The following SNX29 variants were observed in gnomAD, a reference collection of about 807,000 sequenced individuals.
The protein encoded by SNX29 is sorting nexin-29.
Under a neutral mutation model 102.1 loss-of-function variants are expected in SNX29, and 78 were observed. That is an observed-to-expected ratio of 0.76 (90% CI 0.64 to 0.92). The LOEUF (loss-of-function observed/expected upper bound fraction) is 0.92, where lower values mean the gene tolerates loss of function less well. SNX29 is among the 40% of genes least tolerant of loss of function. The pLI, the probability that SNX29 is intolerant of heterozygous loss-of-function variation, is 0.00. For synonymous variants in SNX29, 580 were observed against 414.5 expected, an observed-to-expected ratio of 1.40 and a Z score of -4.85; for missense variants, 1,280 against 1,061.7, an observed-to-expected ratio of 1.21 and a Z score of -2.86.
chr16:12,465,346 A>C (rs144390172), intron 18 of SNX29, among the ~76,000 whole-genome samples: 3 of 152,224 alleles, frequency 2.0e-5, no homozygotes, highest in East Asian at 1.9e-4. Flanking sequence ...AGTTTTACAG[A>C]TCTTACACTT....
At chr16:12,309,727 A>G (rs921595351) in intron 15 of SNX29, among the ~76,000 whole-genome samples, 1 of 152,054 alleles carries the variant, frequency 6.6e-6, no homozygotes, top group Non-Finnish European at 1.5e-5. Flanking sequence ...ACACTCTTAA[A>G]TCGCTCCCGC....
intron 15 of SNX29, among the ~76,000 whole-genome samples, chr16:12,279,484 C>T (rs763169450): frequency 1.3e-5 from 2 of 152,218 alleles, no homozygotes; most frequent in African/African-American, 4.8e-5. Flanking sequence ...GGACAGGGCA[C>T]TCCTGTGTGC....
chr16:12,052,137 G>T lies in SNX29; in HGVS notation c.1039G>T (p.Asp347Tyr). ...YQKLDVKSIDDEDVDENEDDV... is the reference protein window; with the variant it reads ...YQKLDVKSIDYEDVDENEDDV... ...GAAGCTTGATGTGAAAAGCATCGATGATGAAGATGTGGATGAAAACGAAGA... is the reference window on the plus strand; with the variant it reads ...GAAGCTTGATGTGAAAAGCATCGATTATGAAGATGTGGATGAAAACGAAGA... The change falls in exon 8 of 21, where the codon GAT (aspartate) becomes TAT (tyrosine). Residue 347 changes from aspartate (D) to tyrosine (Y), a missense_variant. Coordinates refer to ENST00000566228, the MANE Select transcript of SNX29 (RefSeq NM_032167.5). 1 of 1,613,970 alleles carries T rather than the reference G, an allele frequency of 6.2e-7. No homozygotes were observed. Among genetic ancestry groups the T allele is most frequent in the Non-Finnish European group, 8.5e-7 (1 of 1,179,870 alleles).
At chr16:12,432,788 C>A (rs1390708580) in intron 18 of SNX29, among the ~76,000 whole-genome samples, 2 of 152,240 alleles carry the variant, frequency 1.3e-5, no homozygotes, top group African/African-American at 4.8e-5. Context: ...AATTCAATGG[C>A]AGCTCACAGA....
intron 15 of SNX29, among the ~76,000 whole-genome samples, chr16:12,304,648 C>T (rs1305538189): frequency 1.3e-5 from 2 of 152,194 alleles, no homozygotes; most frequent in Non-Finnish European, 2.9e-5. Context: ...CTGCCTTGGC[C>T]TCCCAAAGTG....
intron 18 of SNX29, among the ~76,000 whole-genome samples, chr16:12,416,705 G>A (rs1176033434): frequency 6.6e-6 from 1 of 152,166 alleles, no homozygotes; most frequent in Non-Finnish European, 1.5e-5. Flanking sequence ...GGTGCAGGGG[G>A]AGCAGGCATG....
At chr16:12,245,513 ACTT>A (rs1038129233) in intron 14 of SNX29, among the ~76,000 whole-genome samples, 5 of 151,652 alleles carry the variant, frequency 3.3e-5, no homozygotes, top group African/African-American at 1.2e-4. Flanking sequence ...GGAGATGCTG[ACTT>A]CTTCTAGTTA....
intron 16 of SNX29, among the ~76,000 whole-genome samples, chr16:12,390,591 G>T (rs375077481): frequency 3.0e-4 from 46 of 152,330 alleles, no homozygotes; most frequent in African/African-American, 1.1e-3. Flanking sequence ...GTGTGCATTT[G>T]TGGAATGGAG....
Position 12,069,042 on chromosome 16 carries a change from G to A in SNX29, c.1244-15G>A. 6.2e-7 allele frequency: 1 copy of A among 1,612,038 alleles called. No individual in the cohort carries two copies. The highest frequency in any genetic ancestry group is 8.5e-7 in the Non-Finnish European group (1 of 1,178,674). ...AGAAAAGTGACCTCTTTCTGTGATT[G>A]CTCTCTCTGCACAGATGCCCCCCTC... On this transcript the variant is annotated splice_polypyrimidine_tract_variant and intron_variant, in intron 9 of 20. Transcript: ENST00000566228.
At position 12,570,454 on chromosome 16, in the gene SNX29, C is replaced by G. The variant is rs1006900054; in HGVS notation, c.*1825C>G. On this transcript the variant is annotated 3_prime_UTR_variant, in exon 21 of 21. Transcript: ENST00000566228. Reference sequence around the variant, plus strand: ...AATAGAGAGCCCTAATGGACTGAGGCAGGAAACGTCTAAAAGCTCAATCTG... The same window carrying G: ...AATAGAGAGCCCTAATGGACTGAGGGAGGAAACGTCTAAAAGCTCAATCTG... 1 of 237,658 alleles carries G rather than the reference C, an allele frequency of 4.2e-6. No individual in the cohort carries two copies. The highest frequency in any genetic ancestry group is 6.0e-5 in the East Asian group (1 of 16,542). 14.7% of individuals were successfully genotyped at this position (237,658 alleles called of 1,614,324 possible). A position where few individuals can be genotyped will look rare whatever the true frequency, so the allele number is the denominator to read the frequency against.
At chr16:12,126,967 T>G (rs2054238411) in intron 12 of SNX29, among the ~76,000 whole-genome samples, 1 of 152,214 alleles carries the variant, frequency 6.6e-6, no homozygotes, top group Non-Finnish European at 1.5e-5. Flanking sequence ...TAATTCTTTT[T>G]TAAAAAACAG....
intron 20 of SNX29, among the ~76,000 whole-genome samples, chr16:12,542,544 C>T (rs914475261): frequency 6.6e-6 from 1 of 152,186 alleles, no homozygotes; most frequent in Admixed American, 6.5e-5. Context: ...GTTGGCCAGG[C>T]TGATCTTGAA....
intron 18 of SNX29, among the ~76,000 whole-genome samples, chr16:12,424,098 T>G (rs1048379180): frequency 5.9e-5 from 9 of 152,216 alleles, no homozygotes; most frequent in Admixed American, 2.0e-4. Flanking sequence ...AGAGGCGTGA[T>G]CAGAAAGATT....
chr16:12,568,574 C>T lies in SNX29; in HGVS notation c.2387C>T (p.Ser796Phe), dbSNP rs777423455. Residue 796 changes from serine to phenylalanine, a missense_variant, in exon 21 of 21, where the codon TCC becomes TTC. Ser to Phe is a radical substitution (Grantham distance 155). Transcript: ENST00000566228. Reference sequence around the variant, plus strand: ...GCAGCTTCCCGCTTCCCCAAACTGTCCCGGGGTCAGCCCCGGGAGACCCGC... The same window carrying T: ...GCAGCTTCCCGCTTCCCCAAACTGTTCCGGGGTCAGCCCCGGGAGACCCGC... ...PKAASRFPKL[S>F]RGQPRETRNV... The T allele has an allele frequency of 6.8e-6, 11 of 1,607,822 alleles. No individual in the cohort carries two copies. The highest frequency in any genetic ancestry group is 2.7e-5 in the African/African-American group (2 of 74,938).
At chr16:12,560,621 G>A (rs1163700028) in intron 20 of SNX29, 1 of 153,364 alleles carries the variant, frequency 6.5e-6, no homozygotes, top group African/African-American at 2.4e-5. Context: ...CAGCTGCCTT[G>A]TCACATCCCC....
intron 20 of SNX29, among the ~76,000 whole-genome samples, chr16:12,564,411 T>C (rs576301002): frequency 6.6e-6 from 1 of 152,276 alleles, no homozygotes; most frequent in East Asian, 1.9e-4. Context: ...CAATGATGTA[T>C]GATTGGCACT....
chr16:12,460,240 C>T lies in SNX29; in HGVS notation c.2038-17479C>T, dbSNP rs140235121. Among the ~76,000 whole-genome samples the T allele has an allele frequency of 3.2e-3, 494 of 152,296 alleles. 7 individuals are homozygous for T. Among genetic ancestry groups the T allele is most frequent in the African/African-American group, 0.011 (452 of 41,566 alleles). On this transcript the variant is annotated intron_variant, in intron 18 of 20. Transcript: ENST00000566228. ...CAGACGCAGCCGAACAGGCCTAGTG[C>T]GGCTGAAACTTTCCTTCAGAGGGGG...
intron 15 of SNX29, among the ~76,000 whole-genome samples, chr16:12,318,057 C>T (rs2080809449): frequency 6.6e-6 from 1 of 152,254 alleles, no homozygotes; most frequent in African/African-American, 2.4e-5. Flanking sequence ...CCCACGCTGG[C>T]TCTTGGTGTT....
At chr16:12,075,829 C>G (rs900994673) in intron 10 of SNX29, among the ~76,000 whole-genome samples, 5 of 152,244 alleles carry the variant, frequency 3.3e-5, no homozygotes, top group Non-Finnish European at 4.4e-5. Flanking sequence ...CCAGTTCGAG[C>G]TTCCTGGCTG....
Sources: allele counts gnomAD v4.1 joint callset (sites outside exome capture counted in the v4.1 genomes callset), GRCh38; gene constraint gnomAD v4.1.1; transcripts MANE v1.5; gene names NCBI Gene and HGNC (gene_info 2026-07-23, HGNC 2026-07-21).